The following SLC8A1 variants were observed in gnomAD, a reference collection of about 807,000 sequenced individuals.
SLC8A1 encodes the protein sodium/calcium exchanger 1.
Under a neutral mutation model 68.3 loss-of-function variants are expected in SLC8A1, and 18 were observed. The ratio of observed to expected loss-of-function variants is 0.26; its 90% CI spans 0.18 to 0.39. The LOEUF is 0.39. SLC8A1 is among the 10% of genes least tolerant of loss of function. SLC8A1 has a pLI of 1.00. For missense variants in SLC8A1, 985 were observed against 1,156.7 expected (o/e 0.85, Z 2.15); for synonymous variants, 475 against 415.5 (o/e 1.14, Z -1.74).
At chr2:40,503,518 G>A (rs1163980234) in intron 1 of SLC8A1, among the ~76,000 whole-genome samples, 2 of 151,944 alleles carry the variant, frequency 1.3e-5, no homozygotes, top group Non-Finnish European at 2.9e-5. Context: ...GAGTCAAACT[G>A]TCCTTGTTTG....
At chr2:40,183,777 G>A (rs13029927) in intron 2 of SLC8A1, among the ~76,000 whole-genome samples, 3,140 of 152,240 alleles carry the variant, frequency 0.021, 68 homozygotes, top group African/African-American at 0.05. Context: ...AATCACCTGT[G>A]GGATTTTGCA....
chr2:40,143,044 C>T (rs913508031), intron 6 of SLC8A1, among the ~76,000 whole-genome samples: 3 of 151,912 alleles, frequency 2.0e-5, no homozygotes, highest in Non-Finnish European at 4.4e-5. Flanking sequence ...TGTTTTAATG[C>T]ATAAGTCTGG....
At chr2:40,204,537 A>T (rs2055010185) in intron 2 of SLC8A1, among the ~76,000 whole-genome samples, 1 of 152,002 alleles carries the variant, frequency 6.6e-6, no homozygotes, top group African/African-American at 2.4e-5. Flanking sequence ...TTAAATTTAC[A>T]AAGCCCAACC....
intron 2 of SLC8A1, among the ~76,000 whole-genome samples, chr2:40,366,952 G>A (rs368315480): frequency 4.0e-5 from 6 of 151,898 alleles, no homozygotes; most frequent in South Asian, 2.1e-4. Flanking sequence ...TTTTAGGTTC[G>A]GTATATTAAA....
intron 7 of SLC8A1, among the ~76,000 whole-genome samples, chr2:40,135,572 G>T (rs1249320342): frequency 6.6e-6 from 1 of 152,114 alleles, no homozygotes; most frequent in Non-Finnish European, 1.5e-5. Flanking sequence ...ACAAAAATTA[G>T]CTAGGCATGG....
chr2:40,118,798 G>T (rs1214857765), intron 7 of SLC8A1, among the ~76,000 whole-genome samples: 3 of 151,834 alleles, frequency 2.0e-5, no homozygotes, highest in Non-Finnish European at 4.4e-5. Context: ...GTTAGGTGGG[G>T]CAGTTGCGGG....
In SLC8A1 at chr2:40,316,064, A is replaced by G. The variant is rs569662537; in HGVS notation, c.1808+112409T>C. ...TGATATGAAAGTCTTTTGTTCCCCAAGAAGGACCTGAATGTCTGTCTGTCG... is the reference window on the plus strand; with the variant it reads ...TGATATGAAAGTCTTTTGTTCCCCAGGAAGGACCTGAATGTCTGTCTGTCG... On this transcript the variant is annotated intron_variant, in intron 2 of 7. Transcript: ENST00000406785. Among the ~76,000 whole-genome samples, 4 of 152,218 alleles carry G rather than the reference A, an allele frequency of 2.6e-5. No individual in the cohort carries two copies. The South Asian group carries it at 6.2e-4, about 24-fold the overall frequency.
chr2:40,232,739 A>G (rs1283147657), intron 2 of SLC8A1, among the ~76,000 whole-genome samples: 2 of 55,954 alleles, frequency 3.6e-5, no homozygotes, highest in African/African-American at 1.0e-4. Context: ...TCCCAGTGCT[A>G]TCCCTCCCCC....
chr2:40,200,249 T>TATATATATATATATAA (rs2054076608), intron 2 of SLC8A1, among the ~76,000 whole-genome samples: 2 of 26,980 alleles, frequency 7.4e-5, no homozygotes, highest in East Asian at 6.8e-4. Context: ...AATATATATA[T>TATATATATATATATAA]ATATATATAT....
At chr2:40,312,596 T>C (rs928979005) in intron 2 of SLC8A1, among the ~76,000 whole-genome samples, 7 of 152,146 alleles carry the variant, frequency 4.6e-5, no homozygotes, top group African/African-American at 1.7e-4. Flanking sequence ...AATTTTTCTA[T>C]ATATCCTGTA....
intron 2 of SLC8A1, among the ~76,000 whole-genome samples, chr2:40,261,049 T>G (rs1385878242): frequency 6.6e-6 from 1 of 152,180 alleles, no homozygotes; most frequent in Non-Finnish European, 1.5e-5. Flanking sequence ...CTAAATATGT[T>G]AAATGCATGA....
chr2:40,149,721 C>T (rs555383113), intron 6 of SLC8A1, among the ~76,000 whole-genome samples: 5 of 152,236 alleles, frequency 3.3e-5, no homozygotes, highest in East Asian at 3.9e-4. Flanking sequence ...AGCTACTGCA[C>T]GAGGCTGCTG....
intron 2 of SLC8A1, among the ~76,000 whole-genome samples, chr2:40,193,926 G>A (rs990191964): frequency 1.3e-5 from 2 of 152,080 alleles, no homozygotes; most frequent in Non-Finnish European, 2.9e-5. Context: ...ATAAAGAAAA[G>A]TTGCTTTAAT....
At chr2:40,241,063 A>G (rs1212146281) in intron 2 of SLC8A1, among the ~76,000 whole-genome samples, 2 of 152,208 alleles carry the variant, frequency 1.3e-5, no homozygotes, top group African/African-American at 4.8e-5. Flanking sequence ...GTTCATCACT[A>G]TGCCATTCAC....
At chr2:40,137,352 G>A (rs1281273227) in intron 7 of SLC8A1, among the ~76,000 whole-genome samples, 2 of 152,294 alleles carry the variant, frequency 1.3e-5, no homozygotes, top group East Asian at 3.9e-4. Context: ...AACAAGAGAT[G>A]TATTTGGTTG....
At chr2:40,506,164 T>C (rs996159354) in intron 1 of SLC8A1, among the ~76,000 whole-genome samples, 1 of 151,144 alleles carries the variant, frequency 6.6e-6, no homozygotes. Context: ...GAAAAGACAA[T>C]TCTTTTCCAA....
At chr2:40,377,466 G>A (rs916028602) in intron 2 of SLC8A1, among the ~76,000 whole-genome samples, 1 of 151,946 alleles carries the variant, frequency 6.6e-6, no homozygotes, top group Non-Finnish European at 1.5e-5. Flanking sequence ...CTATATTTCT[G>A]GTAATTTGCC....
chr2:40,315,360 T>C (rs1159917993), intron 2 of SLC8A1, among the ~76,000 whole-genome samples: 1 of 151,716 alleles, frequency 6.6e-6, no homozygotes, highest in Non-Finnish European at 1.5e-5. Flanking sequence ...TCTAGAAAAA[T>C]GGAAGGTTAG....
intron 2 of SLC8A1, among the ~76,000 whole-genome samples, chr2:40,327,066 A>C (rs1354702594): frequency 6.6e-6 from 1 of 152,234 alleles, no homozygotes; most frequent in African/African-American, 2.4e-5. Context: ...AAAAGAAAAG[A>C]AACTACTTAC....
Sources: gnomAD v4.1 joint callset for allele counts (sites outside exome capture counted in the v4.1 genomes callset) on GRCh38, gnomAD v4.1.1 for gene constraint, MANE v1.5 for transcripts, NCBI Gene and HGNC (gene_info 2026-07-23, HGNC 2026-07-21) for gene names.